AIM2: variants seen among roughly 807,000 people sequenced by gnomAD.
The protein encoded by AIM2 is interferon-inducible protein AIM2.
A neutral mutation model predicts 27.7 loss-of-function variants in AIM2; 30 were observed. That is an observed-to-expected ratio of 1.08 (90% CI 0.81 to 1.47). The LOEUF (loss-of-function observed/expected upper bound fraction) is 1.47, where lower values mean the gene tolerates loss of function less well. Among genes scored for constraint, AIM2 ranks in the 40% most tolerant of loss-of-function variants. AIM2 has a pLI of 0.00. For synonymous variants in AIM2, 141 were observed against 145.3 expected (o/e 0.97, Z 0.21); for missense variants, 358 against 411.3 (o/e 0.87, Z 1.12).
At chr1:159,119,729 T>C (rs1462204627) in intron 1 of AIM2, among the ~76,000 whole-genome samples, 3 of 152,092 alleles carry the variant, frequency 2.0e-5, no homozygotes, top group Admixed American at 2.0e-4. Context: ...AGTTCTTTCA[T>C]TGGACAGAGT....
chr1:159,138,839 G>A (rs570733465), intron 1 of AIM2, among the ~76,000 whole-genome samples: 2 of 152,224 alleles, frequency 1.3e-5, no homozygotes, highest in East Asian at 1.9e-4. Flanking sequence ...TATCCTGCCC[G>A]CATACTTTTC....
chr1:159,073,425 A>G lies in AIM2; in HGVS notation c.75T>C (p.Phe25=). 1 of 1,614,170 alleles carries G rather than the reference A, an allele frequency of 6.2e-7. No homozygotes were observed. Among genetic ancestry groups the G allele is most frequent in the East Asian group, 2.2e-5 (1 of 44,878 alleles). Residue 25 remains phenylalanine, a synonymous_variant, in exon 2 of 6, where the codon TTT becomes TTC. Transcript: ENST00000368130. Reference sequence around the variant, plus strand: ...TAAACTCGTCTGAAAGAAAGAACTTAAACCTATCCAGTTCCTCATCAGTGA... The same window carrying G: ...TAAACTCGTCTGAAAGAAAGAACTTGAACCTATCCAGTTCCTCATCAGTGA... ...DNITDEELDR[F]KFFLSDEFNI... is the part of the protein sequence containing the mutation.
intron 3 of AIM2, 32 bp downstream of exon 3, chr1:159,068,536 G>A (rs1570940757): frequency 1.3e-6 from 2 of 1,569,420 alleles, no homozygotes; most frequent in African/African-American, 1.4e-5. Context: ...GCTCTTACAA[G>A]GACAAAGACC....
At chr1:159,076,126 G>A (rs1656598139) in intron 1 of AIM2, among the ~76,000 whole-genome samples, 1 of 152,156 alleles carries the variant, frequency 6.6e-6, no homozygotes, top group Non-Finnish European at 1.5e-5. Flanking sequence ...TGAAAGCAAG[G>A]AAGGACACTA....
chr1:159,092,170 A>G (rs925764806), intron 1 of AIM2, among the ~76,000 whole-genome samples: 2 of 152,252 alleles, frequency 1.3e-5, no homozygotes, highest in African/African-American at 4.8e-5. Context: ...ATGACTATTC[A>G]CAATTTTAGC....
At chr1:159,139,920 G>C (rs531751888) in intron 1 of AIM2, among the ~76,000 whole-genome samples, 1 of 152,126 alleles carries the variant, frequency 6.6e-6, no homozygotes, top group African/African-American at 2.4e-5. Flanking sequence ...TACCTTCTCG[G>C]AATTCTCATG....
chr1:159,133,666 A>C (rs1017565511), intron 1 of AIM2, among the ~76,000 whole-genome samples: 1 of 152,180 alleles, frequency 6.6e-6, no homozygotes, highest in East Asian at 1.9e-4. Flanking sequence ...TCTCAGCAGC[A>C]TAGGATACTC....
chr1:159,070,138 G>T (rs73023732), intron 2 of AIM2, among the ~76,000 whole-genome samples: 2,510 of 152,234 alleles, frequency 0.016, 76 homozygotes, highest in African/African-American at 0.057. Flanking sequence ...ACATGCTGCT[G>T]AAGAACCATC....
At chr1:159,059,417 T>G (rs1187486971), downstream of AIM2, among the ~76,000 whole-genome samples, 1 of 152,184 alleles carries the variant, frequency 6.6e-6, no homozygotes, top group African/African-American at 2.4e-5. Context: ...ATACTGAAGT[T>G]CAGAGAGATT....
chr1:159,135,071 A>G (rs189804066), intron 1 of AIM2, among the ~76,000 whole-genome samples: 213 of 152,288 alleles, frequency 1.4e-3, no homozygotes, highest in African/African-American at 4.8e-3. Context: ...TCCTTCATTT[A>G]CCATTGCAGC....
chr1:159,143,290 G>A (rs1648145913), upstream of AIM2, among the ~76,000 whole-genome samples: 1 of 152,152 alleles, frequency 6.6e-6, no homozygotes, highest in Non-Finnish European at 1.5e-5. Context: ...GGGGAAAGCA[G>A]CTACTCCAAC....
At chr1:159,137,556 C>T (rs1400083155) in intron 1 of AIM2, among the ~76,000 whole-genome samples, 1 of 152,146 alleles carries the variant, frequency 6.6e-6, no homozygotes, top group Admixed American at 6.5e-5. Flanking sequence ...ACTCAGGAGG[C>T]TGAGGCAGGA....
chr1:159,107,949 T>G (rs958008099), intron 1 of AIM2, among the ~76,000 whole-genome samples: 3 of 152,140 alleles, frequency 2.0e-5, no homozygotes, highest in African/African-American at 7.2e-5. Context: ...ACCAGACAGA[T>G]GCACAGCAGA....
At chr1:159,106,893 G>A (rs1391006994) in intron 1 of AIM2, among the ~76,000 whole-genome samples, 2 of 152,196 alleles carry the variant, frequency 1.3e-5, no homozygotes, top group African/African-American at 2.4e-5. Flanking sequence ...TAAATAAAAT[G>A]GCAGGGTAGA....
chr1:159,115,730 T>G (rs1361302271), intron 1 of AIM2, among the ~76,000 whole-genome samples: 2 of 152,144 alleles, frequency 1.3e-5, no homozygotes, highest in Non-Finnish European at 2.9e-5. Flanking sequence ...ATAAAAACCC[T>G]AGAAGAAAAC....
At position 159,066,145 on chromosome 1, in the gene AIM2, T is replaced by C. The variant is rs760089097; in HGVS notation, c.581A>G (p.Asn194Ser). Residue 194 changes from asparagine (N) to serine (S), a missense_variant, in exon 4 of 6, where the codon AAT becomes AGT. Coordinates refer to ENST00000368130, the MANE Select transcript of AIM2 (RefSeq NM_004833.3). ...AATGAATTTATCTTTCAGCAGTGTA[T>C]TAAAAACTTTTACAAAGAAGAATTC... The part of the protein sequence containing the change: ...EKEFFFVKVF[N>S]TLLKDKFIPK... The C allele has an allele frequency of 1.8e-5, 29 of 1,614,202 alleles. No homozygotes were observed. The highest frequency in any genetic ancestry group is 3.3e-5 in the Admixed American group (2 of 60,022).
chr1:159,134,412 T>C (rs1234377174), intron 1 of AIM2, among the ~76,000 whole-genome samples: 2 of 152,252 alleles, frequency 1.3e-5, no homozygotes, highest in South Asian at 2.1e-4. Context: ...TGGTTTTCCA[T>C]TGTTTTTAGG....
At chr1:159,063,155 G>C (rs1291898162) in intron 5 of AIM2, among the ~76,000 whole-genome samples, 2 of 152,174 alleles carry the variant, frequency 1.3e-5, no homozygotes, top group Non-Finnish European at 2.9e-5. Context: ...TTTATTGTCT[G>C]TCTACTTTCA....
At chr1:159,140,321 C>A (rs188797162) in intron 1 of AIM2, 70 of 152,354 alleles carry the variant, frequency 4.6e-4, no homozygotes, top group Admixed American at 4.1e-3. Context: ...TACCATACTA[C>A]TTCAAGAGAA....
Sources: allele counts gnomAD v4.1 joint callset (sites outside exome capture counted in the v4.1 genomes callset), GRCh38; gene constraint gnomAD v4.1.1; transcripts MANE v1.5; gene names NCBI Gene and HGNC (gene_info 2026-07-23, HGNC 2026-07-21).